Variants in TENM3 observed in about 807,000 individuals in gnomAD.
The protein encoded by TENM3 is teneurin-3.
In TENM3, 63 loss-of-function variants were observed where a neutral mutation model predicts 255.1. The ratio of observed to expected loss-of-function variants is 0.25; its 90% CI spans 0.20 to 0.30. The LOEUF is 0.30. Ranked by LOEUF, TENM3 falls within the 10% of genes least tolerant of loss-of-function variation. The pLI is 1.00. For missense variants in TENM3, 2,929 were observed against 3,461.1 expected, an observed-to-expected ratio of 0.85 and a Z score of 3.86; for synonymous variants, 1,306 against 1,322.3, an observed-to-expected ratio of 0.99 and a Z score of 0.27.
chr4:182,605,772 A>G (rs1214880459), intron 4 of TENM3, among the ~76,000 whole-genome samples: 1 of 152,128 alleles, frequency 6.6e-6, no homozygotes, highest in East Asian at 1.9e-4. Flanking sequence ...AGCTATTGTA[A>G]GCTTAATTCA....
intron 3 of TENM3, among the ~76,000 whole-genome samples, chr4:182,511,184 A>G (rs1218004223): frequency 6.6e-6 from 1 of 152,208 alleles, no homozygotes; most frequent in African/African-American, 2.4e-5. Flanking sequence ...ACCATTTATG[A>G]CAGCAGGAGG....
rs751656214 is a variant in TENM3 at position 182,679,797 on chromosome 4, G to A, written c.1458G>A (p.Leu486=). The part of the protein sequence containing the change: ...SLHEAGFIQY[L]DSGIWHLAFY... ...ATGAGGCCGGCTTTATCCAGTACTTGGATTCTGGAATCTGGCATCTGGCTT... is the reference window on the plus strand; with the variant it reads ...ATGAGGCCGGCTTTATCCAGTACTTAGATTCTGGAATCTGGCATCTGGCTT... Residue 486 remains leucine (L), a synonymous_variant, in exon 8 of 28, where the codon TTG becomes TTA. Coordinates refer to ENST00000511685, the MANE Select transcript of TENM3 (RefSeq NM_001080477.4). 6 of 1,613,802 alleles carry A rather than the reference G, an allele frequency of 3.7e-6. No homozygotes were observed. The highest frequency in any genetic ancestry group is 1.7e-5 in the Admixed American group (1 of 60,004).
At chr4:181,685,933 C>T in the TENM3 span, among the ~76,000 whole-genome samples, 1 of 152,140 alleles carries the variant, frequency 6.6e-6, no homozygotes, top group African/African-American at 2.4e-5. Context: ...ATATTGTTCT[C>T]AGGGTGTTAG....
intron 1 of TENM3, among the ~76,000 whole-genome samples, chr4:182,308,019 A>G (rs1762233259): frequency 6.6e-6 from 1 of 152,246 alleles, no homozygotes; most frequent in Admixed American, 6.5e-5. Context: ...CTGAGAACGC[A>G]ACATTTTTAT....
chr4:182,795,862 T>G (rs1766463240), intron 26 of TENM3, among the ~76,000 whole-genome samples: 1 of 152,244 alleles, frequency 6.6e-6, no homozygotes, highest in Middle Eastern at 3.2e-3. Flanking sequence ...TAAAATAATC[T>G]ACACCCAACC....
the TENM3 span, among the ~76,000 whole-genome samples, chr4:182,043,374 T>C: frequency 2.0e-5 from 3 of 152,210 alleles, no homozygotes; most frequent in Non-Finnish European, 4.4e-5. Context: ...TCTTCAGTTA[T>C]TGTTCTTTTA....
chr4:181,478,906 TA>T, the TENM3 span, among the ~76,000 whole-genome samples: 2 of 152,208 alleles, frequency 1.3e-5, no homozygotes, highest in Non-Finnish European at 2.9e-5. Context: ...AAACGGGATT[TA>T]ATCTAAAATA....
intron 3 of TENM3, among the ~76,000 whole-genome samples, chr4:182,390,905 A>C (rs938803798): frequency 6.6e-5 from 10 of 152,192 alleles, no homozygotes; most frequent in Non-Finnish European, 7.3e-5. Flanking sequence ...CATGATGTCC[A>C]CGGCAGGGTT....
chr4:182,733,185 C>G (rs553962531), intron 16 of TENM3, among the ~76,000 whole-genome samples: 15 of 152,284 alleles, frequency 9.9e-5, no homozygotes, highest in Admixed American at 9.8e-4. Context: ...TCAGCACAAA[C>G]TTTAAGAAAG....
At chr4:181,770,501 C>T in the TENM3 span, among the ~76,000 whole-genome samples, 27 of 151,934 alleles carry the variant, frequency 1.8e-4, no homozygotes, top group Admixed American at 1.3e-3. Context: ...GGTGAAACCC[C>T]GTCTCTACTA....
At chr4:182,098,257 G>A in the TENM3 span, among the ~76,000 whole-genome samples, 2 of 152,232 alleles carry the variant, frequency 1.3e-5, no homozygotes, top group African/African-American at 2.4e-5. Context: ...AATACAGCCA[G>A]TATGAAGAAC....
At chr4:181,510,871 ATCCTGGTATATTTAG>A in the TENM3 span, among the ~76,000 whole-genome samples, 1 of 152,222 alleles carries the variant, frequency 6.6e-6, no homozygotes, top group African/African-American at 2.4e-5. Context: ...AATTATCTTA[ATCCTGGTATATTTAG>A]AACTGTAATG....
intron 1 of TENM3, among the ~76,000 whole-genome samples, chr4:182,186,543 C>G (rs1179469328): frequency 6.6e-6 from 1 of 150,816 alleles, no homozygotes; most frequent in Non-Finnish European, 1.5e-5. Flanking sequence ...GAACTTCTTA[C>G]ATTTATTACA....
the TENM3 span, among the ~76,000 whole-genome samples, chr4:181,851,699 A>G: frequency 6.6e-6 from 1 of 152,208 alleles, no homozygotes; most frequent in Non-Finnish European, 1.5e-5. Context: ...TAATTTTCAA[A>G]AAGAATAAGC....
At chr4:182,716,480 C>G (rs1759184338) in intron 13 of TENM3, among the ~76,000 whole-genome samples, 1 of 152,200 alleles carries the variant, frequency 6.6e-6, no homozygotes, top group South Asian at 2.1e-4. Flanking sequence ...CCTGTGGATT[C>G]TCTGCTTATC....
At chr4:182,395,106 C>T (rs114628797) in intron 3 of TENM3, among the ~76,000 whole-genome samples, 22 of 152,280 alleles carry the variant, frequency 1.4e-4, no homozygotes, top group South Asian at 8.3e-4. Flanking sequence ...CAAAGATAAT[C>T]GTGCTGATGA....
chr4:182,449,630 A>C (rs189128162), intron 3 of TENM3, among the ~76,000 whole-genome samples: 1 of 152,216 alleles, frequency 6.6e-6, no homozygotes, highest in Admixed American at 6.5e-5. Context: ...AGCTTAAATT[A>C]ATAAGCCCTT....
chr4:182,768,628 T>C (rs1056619333), intron 22 of TENM3, among the ~76,000 whole-genome samples: 2 of 152,168 alleles, frequency 1.3e-5, no homozygotes, highest in African/African-American at 2.4e-5. Flanking sequence ...TATAGCATTC[T>C]CAGCTGAGAA....
chr4:181,885,414 C>T, the TENM3 span, among the ~76,000 whole-genome samples: 4 of 152,126 alleles, frequency 2.6e-5, no homozygotes, highest in Non-Finnish European at 5.9e-5. Flanking sequence ...AGGCATGCAC[C>T]ACCACACCCG....
Sources: allele counts gnomAD v4.1 joint callset (sites outside exome capture counted in the v4.1 genomes callset), GRCh38; gene constraint gnomAD v4.1.1; transcripts MANE v1.5; gene names NCBI Gene and HGNC (gene_info 2026-07-23, HGNC 2026-07-21).